Variants in ACBD5 observed in about 807,000 individuals in gnomAD.
The protein encoded by ACBD5 is acyl-CoA binding domain containing 5.
Under a neutral mutation model 71.8 loss-of-function variants are expected in ACBD5, and 40 were observed. The observed-to-expected ratio is 0.56, with a 90% CI of 0.43 to 0.72. The LOEUF is 0.72. Among genes scored for constraint, ACBD5 ranks in the 30% least tolerant of loss-of-function variants. The pLI is 0.00. For missense variants in ACBD5, 559 were observed against 644.5 expected (o/e 0.87, Z 1.44); for synonymous variants, 229 against 218.6 (o/e 1.05, Z -0.42).
intron 13 of ACBD5, among the ~76,000 whole-genome samples, chr10:27,185,581 C>T (rs1283444991): frequency 4.5e-5 from 6 of 132,222 alleles, no homozygotes; most frequent in Non-Finnish European, 6.3e-5. Context: ...TGCAGTGAGC[C>T]GAGATTGTGC....
intron 12 of ACBD5, among the ~76,000 whole-genome samples, chr10:27,204,056 G>GA (rs2060206660): frequency 6.9e-6 from 1 of 145,284 alleles, no homozygotes; most frequent in Non-Finnish European, 1.5e-5. Flanking sequence ...TTGAGCCAAG[G>GA]AATCTGAGGC....
intron 8 of ACBD5, among the ~76,000 whole-genome samples, chr10:27,214,935 G>A (rs748458389): frequency 2.0e-4 from 31 of 152,102 alleles, no homozygotes; most frequent in Admixed American, 3.9e-4. Flanking sequence ...AGGCTGAGGT[G>A]GGCAGATCAC....
At chr10:27,203,551 C>T (rs2060152062) in intron 12 of ACBD5, among the ~76,000 whole-genome samples, 1 of 152,044 alleles carries the variant, frequency 6.6e-6, no homozygotes, top group Non-Finnish European at 1.5e-5. Flanking sequence ...CCAGTCTGGC[C>T]AACATGATGA....
At chr10:27,241,104 C>T (rs1241643433), upstream of ACBD5, among the ~76,000 whole-genome samples, 2 of 152,254 alleles carry the variant, frequency 1.3e-5, no homozygotes, top group African/African-American at 2.4e-5. Context: ...CGGTTGGGTT[C>T]TGCACCTGGG....
In ACBD5 at chr10:27,195,546, T is replaced by C. The variant is rs915096587; in HGVS notation, c.*1884A>G. ...TAAGAGAAAAGACACTTTTTACTGA[T>C]ACCAAATTGATATCTCATTTTTGAA... is the stretch of plus-strand genomic sequence containing the variant. On this transcript the variant is annotated 3_prime_UTR_variant, in exon 13 of 13. Coordinates refer to ENST00000396271, the MANE Select transcript of ACBD5 (RefSeq NM_145698.5). 4.4e-6 allele frequency: 2 copies of C among 451,878 alleles called. No individual in the cohort carries two copies. Among genetic ancestry groups the C allele is most frequent in the East Asian group, 7.0e-5 (1 of 14,384 alleles). The allele number at this position is 451,878 out of a possible 1,614,324, so 28.0% of individuals were successfully genotyped here.
In ACBD5 at chr10:27,215,680, A is replaced by G. The variant is rs1437368151; in HGVS notation, c.830-39T>C. 2.8e-6 allele frequency: 4 copies of G among 1,431,586 alleles called. No individual in the cohort carries two copies. The East Asian group carries it at 9.3e-5, about 33-fold the overall frequency. 88.7% of individuals were successfully genotyped at this position (1,431,586 alleles called of 1,614,324 possible). ...AAAGTGCAGATAGGGTAATTATACT[A>G]TAGTAGAAGAAAAACAAATTTATTC... On this transcript the variant is annotated intron_variant, in intron 7 of 12. Coordinates refer to ENST00000396271, the MANE Select transcript of ACBD5 (RefSeq NM_145698.5).
chr10:27,205,102 G>A (rs916823348), intron 11 of ACBD5, 96 bp downstream of exon 11: 2 of 1,229,552 alleles, frequency 1.6e-6, no homozygotes, highest in African/African-American at 1.5e-5. Flanking sequence ...ACTCCAGCCT[G>A]GGCAACAGAG....
Position 27,204,495 on chromosome 10 carries a change from T to C in ACBD5, c.1510A>G (p.Ile504Val). Residue 504 changes from isoleucine (I) to valine (V), a missense_variant, in exon 12 of 13, where the codon ATA becomes GTA. Coordinates refer to ENST00000396271, the MANE Select transcript of ACBD5 (RefSeq NM_145698.5). ...MSPGVLTFAI[I>V]WPFIAQWLVY... Reference sequence around the variant, plus strand: ...AACCACTGTGCAATAAAAGGCCATATGATGGCAAACGTTAGCACACCAGGA... The same window carrying C: ...AACCACTGTGCAATAAAAGGCCATACGATGGCAAACGTTAGCACACCAGGA... 1 of 1,614,148 alleles carries C rather than the reference T, an allele frequency of 6.2e-7. No homozygotes were observed. Among genetic ancestry groups the C allele is most frequent in the Non-Finnish European group, 8.5e-7 (1 of 1,180,004 alleles).
rs937397694 is a variant in ACBD5 at position 27,195,864 on chromosome 10, T to C, written c.*1566A>G. ...TTTCTTATTTAAAACACTGTGAACATATGATGTTAAACCCAACATCATACA... is the reference window on the plus strand; with the variant it reads ...TTTCTTATTTAAAACACTGTGAACACATGATGTTAAACCCAACATCATACA... On this transcript the variant is annotated 3_prime_UTR_variant, in exon 13 of 13. Transcript: ENST00000396271. The C allele has an allele frequency of 8.8e-6, 4 of 452,580 alleles. No individual in the cohort carries two copies. In the East Asian group the frequency reaches 2.8e-4, roughly 31 times the overall value. The allele number at this position is 452,580 out of a possible 1,614,324, so 28.0% of individuals were successfully genotyped here.
chr10:27,224,804 G>A (rs923186290), intron 4 of ACBD5, among the ~76,000 whole-genome samples: 2 of 152,158 alleles, frequency 1.3e-5, no homozygotes, highest in African/African-American at 4.8e-5. Flanking sequence ...GCTGAGGCAG[G>A]AGGATCACCT....
chr10:27,193,176 GCT>G (rs1424197659), downstream of ACBD5, among the ~76,000 whole-genome samples: 1 of 92,068 alleles, frequency 1.1e-5, no homozygotes, highest in Admixed American at 1.6e-4. Flanking sequence ...TGTGTGTCTT[GCT>G]CTGTTTCCCA....
upstream of ACBD5, chr10:27,241,000 A>G (rs886542872): frequency 1.8e-6 from 1 of 545,022 alleles, no homozygotes; most frequent in Non-Finnish European, 3.3e-6. The surrounding 1 kb of genome is among the most constrained non-coding windows in gnomAD (Gnocchi z 4.1). Flanking sequence ...CGGGGAGCAC[A>G]CTGTGCGCGC....
At chr10:27,210,045 A>G (rs1185469640) in intron 9 of ACBD5, among the ~76,000 whole-genome samples, 1 of 152,240 alleles carries the variant, frequency 6.6e-6, no homozygotes, top group Non-Finnish European at 1.5e-5. Context: ...AAAGGATAAC[A>G]ACTGGGTCAA....
chr10:27,219,713 C>T lies in ACBD5; in HGVS notation c.625+10G>A. ...ATTGCAAAATTACTAACTGATTTTC[C>T]AAACATTACCATTATCACTTTGTTC... On this transcript the variant is annotated intron_variant, in intron 6 of 12. Coordinates refer to ENST00000396271, the MANE Select transcript of ACBD5 (RefSeq NM_145698.5). 3 of 1,613,576 alleles carry T rather than the reference C, an allele frequency of 1.9e-6. No homozygotes were observed. The highest frequency in any genetic ancestry group is 2.2e-5 in the East Asian group (1 of 44,854).
At chr10:27,200,343 T>C (rs1038382203) in intron 12 of ACBD5, among the ~76,000 whole-genome samples, 1 of 152,138 alleles carries the variant, frequency 6.6e-6, no homozygotes, top group African/African-American at 2.4e-5. Context: ...AGTTACCCTA[T>C]ATGGTCTAAA....
intron 2 of ACBD5, among the ~76,000 whole-genome samples, chr10:27,238,766 T>C (rs1418281594): frequency 6.7e-6 from 1 of 149,330 alleles, no homozygotes; most frequent in Non-Finnish European, 1.5e-5. Context: ...TTACCTATAA[T>C]TATTGAAATT....
Position 27,240,734 on chromosome 10 carries a change from C to CCGCT in ACBD5, c.-50_-47dup. The CCGCT allele has an allele frequency of 6.5e-7, 1 of 1,550,248 alleles. No homozygotes were observed. The highest frequency in any genetic ancestry group is 2.4e-5 in the East Asian group (1 of 40,906). On this transcript the variant is annotated 5_prime_UTR_variant, in exon 1 of 13. It removes the in-frame stop codon of an upstream open reading frame in the 5' UTR. Coordinates refer to ENST00000396271, the MANE Select transcript of ACBD5 (RefSeq NM_145698.5). This position sits in a 1 kb window ranked among gnomAD's most constrained non-coding sequence, Gnocchi z 4.1. ...GGTCCGGGCATCGGTGGCCGCGGAGCCGCTCTCCCACCCTGGGGACCCTGG... is the reference window on the plus strand; with the variant it reads ...GGTCCGGGCATCGGTGGCCGCGGAGCCGCTCGCTCTCCCACCCTGGGGACCCTGG...
chr10:27,216,843 A>G (rs2061683533), intron 7 of ACBD5, among the ~76,000 whole-genome samples: 2 of 152,074 alleles, frequency 1.3e-5, no homozygotes, highest in Non-Finnish European at 2.9e-5. Context: ...TTTGGTTCTT[A>G]CATTACGAAA....
chr10:27,228,302 G>A (rs1321930351), intron 4 of ACBD5, among the ~76,000 whole-genome samples: 1 of 151,440 alleles, frequency 6.6e-6, no homozygotes, highest in Non-Finnish European at 1.5e-5. Flanking sequence ...TTGGCCGGGC[G>A]TGGTGGCTCA....
Sources: gnomAD v4.1 joint callset for allele counts (sites outside exome capture counted in the v4.1 genomes callset) on GRCh38, gnomAD v4.1.1 for gene constraint, Gnocchi (gnomAD v3.1) non-coding constraint, MANE v1.5 for transcripts, NCBI Gene and HGNC (gene_info 2026-07-23, HGNC 2026-07-21) for gene names.